Variants in AFF2 observed in about 807,000 individuals in gnomAD.
AFF2 encodes the protein ALF transcription elongation factor 2.
Under a neutral mutation model 76.9 loss-of-function variants are expected in AFF2, and 14 were observed. The observed-to-expected ratio is 0.18, with a 90% confidence interval of 0.12 to 0.28. The LOEUF is 0.28. Ranked by LOEUF, AFF2 falls within the 10% of genes least tolerant of loss-of-function variation. The pLI, the probability that AFF2 is intolerant of heterozygous loss-of-function variation, is 1.00. For synonymous variants in AFF2, 398 were observed against 366.7 expected (o/e 1.09, Z -0.98); for missense variants, 868 against 1,001.1 (o/e 0.87, Z 1.79).
At chrX:148,616,948 C>T (rs1359246966) in intron 1 of AFF2, among the ~76,000 whole-genome samples, 1 of 111,522 alleles carries the variant, frequency 9.0e-6, no homozygotes, top group Non-Finnish European at 1.9e-5. Flanking sequence ...GTATATGTGC[C>T]ACATTTTCTT....
At position 148,568,027 on chromosome X, in the gene AFF2, T is replaced by C. The variant is rs782527945; in HGVS notation, c.47+66883T>C. On this transcript the variant is annotated intron_variant, in intron 1 of 20. Transcript: ENST00000370460. ...CTCTGTCTGAGTCCTTTTGATATCA[T>C]TGGGAGTTGGGGACATCTTGCTGGA... 8.1e-5 allele frequency among the ~76,000 whole-genome samples: 9 copies of C among 110,637 alleles called. No homozygotes were observed. The South Asian group carries it at 2.0e-3, about 24-fold the overall frequency.
intron 1 of AFF2, among the ~76,000 whole-genome samples, chrX:148,533,862 T>C (rs957605722): frequency 8.9e-6 from 1 of 112,292 alleles, no homozygotes; most frequent in African/African-American, 3.2e-5. Context: ...TCTGAAAATT[T>C]TGAAGAGTGA....
At chrX:148,828,692 G>A (rs1195922179) in intron 4 of AFF2, among the ~76,000 whole-genome samples, 1 of 112,040 alleles carries the variant, frequency 8.9e-6, no homozygotes, top group Non-Finnish European at 1.9e-5. Flanking sequence ...CTGTTCCCTT[G>A]TATTTACCTT....
rs781922374 is a variant in AFF2 at position 148,812,874 on chromosome X, T to C, written c.1086+2954T>C. On this transcript the variant is annotated intron_variant, in intron 4 of 20. Coordinates refer to ENST00000370460, the MANE Select transcript of AFF2 (RefSeq NM_002025.4). ...GCCCCTCTCACCATTCATCTGGCAATGTTCTCAGCTCCCCTTCAAACCAGC... is the reference window on the plus strand; with the variant it reads ...GCCCCTCTCACCATTCATCTGGCAACGTTCTCAGCTCCCCTTCAAACCAGC... Among the ~76,000 whole-genome samples, 146 of 112,203 alleles carry C rather than the reference T, an allele frequency of 1.3e-3. 1 individual carries two copies. The highest frequency in any genetic ancestry group is 2.6e-3 in the Non-Finnish European group (136 of 53,242).
intron 3 of AFF2, among the ~76,000 whole-genome samples, chrX:148,790,125 G>T (rs1193410897): frequency 3.6e-5 from 4 of 112,080 alleles, no homozygotes; most frequent in African/African-American, 1.3e-4. Flanking sequence ...GTTGTCAAAT[G>T]GTTAGCTTGG....
At chrX:148,528,843 C>T (rs1464655914) in intron 1 of AFF2, among the ~76,000 whole-genome samples, 1 of 111,158 alleles carries the variant, frequency 9.0e-6, no homozygotes, top group Non-Finnish European at 1.9e-5. Context: ...TCAACTTCAC[C>T]ATGTTGAGTA....
intron 1 of AFF2, among the ~76,000 whole-genome samples, chrX:148,604,147 A>G (rs2053652454): frequency 9.0e-6 from 1 of 111,630 alleles, no homozygotes; most frequent in African/African-American, 3.3e-5. Flanking sequence ...GTTTTCTTGT[A>G]CTTTGCAATT....
At chrX:148,651,956 TA>T (rs1189851390) in intron 1 of AFF2, 42 bp from the exon 2 acceptor site, 4 of 1,113,950 alleles carry the variant, frequency 3.6e-6, no homozygotes, top group Non-Finnish European at 4.8e-6. Flanking sequence ...CTTGCATGAT[TA>T]ATTAATCTTT....
chrX:148,932,656 A>C (rs1361457517), intron 9 of AFF2, among the ~76,000 whole-genome samples: 1 of 111,668 alleles, frequency 9.0e-6, no homozygotes, highest in Non-Finnish European at 1.9e-5. Flanking sequence ...AAGATTGAGA[A>C]CACTTGTGTG....
intron 1 of AFF2, among the ~76,000 whole-genome samples, chrX:148,506,297 A>C (rs1220865948): frequency 2.7e-5 from 3 of 111,557 alleles, no homozygotes; most frequent in African/African-American, 9.8e-5. Context: ...TCATTTGATC[A>C]TTGTGAGTTA....
intron 4 of AFF2, among the ~76,000 whole-genome samples, chrX:148,824,040 G>T (rs1164688277): frequency 1.0e-5 from 1 of 96,351 alleles, no homozygotes; most frequent in Non-Finnish European, 2.0e-5. Flanking sequence ...AAAAACCCAG[G>T]AATTGATTCA....
intron 1 of AFF2, among the ~76,000 whole-genome samples, chrX:148,623,858 A>G (rs1557251630): frequency 3.6e-5 from 4 of 110,706 alleles, no homozygotes; most frequent in African/African-American, 1.3e-4. Flanking sequence ...AGTTCTTTTG[A>G]AAATTTCTGC....
chrX:148,979,036 C>T (rs1471844061), intron 18 of AFF2, among the ~76,000 whole-genome samples: 1 of 111,723 alleles, frequency 9.0e-6, no homozygotes, highest in Admixed American at 9.5e-5. Context: ...AATGCAACGC[C>T]AAAATTTGAG....
intron 1 of AFF2, among the ~76,000 whole-genome samples, chrX:148,614,650 TCTTC>T (rs1229805469): frequency 7.5e-5 from 8 of 106,721 alleles, no homozygotes; most frequent in Middle Eastern, 9.5e-3. Flanking sequence ...TCTCTTTCTT[TCTTC>T]CTTCCTTCCT....
chrX:148,534,213 T>G (rs1603233891), intron 1 of AFF2, among the ~76,000 whole-genome samples: 1 of 111,753 alleles, frequency 8.9e-6, no homozygotes. Flanking sequence ...TTTTCTCAGA[T>G]AGGGTGATTG....
chrX:148,738,377 C>T (rs1259986539), intron 3 of AFF2, among the ~76,000 whole-genome samples: 4 of 111,076 alleles, frequency 3.6e-5, no homozygotes, highest in African/African-American at 1.3e-4. Context: ...ATTTATCCAT[C>T]TCTTCTAGGT....
chrX:148,505,868 A>G (rs1417696901), intron 1 of AFF2, among the ~76,000 whole-genome samples: 2 of 111,909 alleles, frequency 1.8e-5, no homozygotes, highest in African/African-American at 6.5e-5. Flanking sequence ...GAGATTTCAA[A>G]AACTTGCTTA....
At chrX:148,714,145 A>G (rs1355793059) in intron 3 of AFF2, among the ~76,000 whole-genome samples, 1 of 111,988 alleles carries the variant, frequency 8.9e-6, no homozygotes, top group Non-Finnish European at 1.9e-5. Flanking sequence ...ATCATGTTAA[A>G]CTTAATGAAA....
intron 9 of AFF2, among the ~76,000 whole-genome samples, chrX:148,911,922 G>C (rs1557281993): frequency 8.9e-6 from 1 of 111,909 alleles, no homozygotes; most frequent in Admixed American, 9.5e-5. Context: ...TTCTACCGTA[G>C]AGATATATGC....
Sources: gnomAD v4.1 joint callset for allele counts (sites outside exome capture counted in the v4.1 genomes callset) on GRCh38, gnomAD v4.1.1 for gene constraint, MANE v1.5 for transcripts, NCBI Gene and HGNC (gene_info 2026-07-23, HGNC 2026-07-21) for gene names.